CDH12: variants seen among roughly 807,000 people sequenced by gnomAD.
The protein encoded by CDH12 is cadherin-12.
Under a neutral mutation model 74.1 loss-of-function variants are expected in CDH12, and 41 were observed. The ratio of observed to expected loss-of-function variants is 0.55; its 90% CI spans 0.43 to 0.72. The LOEUF is 0.72. Ranked by LOEUF, CDH12 falls within the 30% of genes least tolerant of loss-of-function variation. CDH12 has a pLI of 0.00. For missense variants in CDH12, 945 were observed against 977.2 expected, an observed-to-expected ratio of 0.97 and a Z score of 0.44; for synonymous variants, 399 against 355.0, an observed-to-expected ratio of 1.12 and a Z score of -1.39.
chr5:22,071,798 A>G (rs1741957705), intron 5 of CDH12, among the ~76,000 whole-genome samples: 1 of 152,130 alleles, frequency 6.6e-6, no homozygotes, highest in Admixed American at 6.6e-5. Context: ...CAATTATTTC[A>G]TTTCTTACTT....
chr5:21,798,305 T>C (rs376810693), intron 10 of CDH12, among the ~76,000 whole-genome samples: 6 of 152,032 alleles, frequency 3.9e-5, no homozygotes, highest in Non-Finnish European at 1.5e-5. Flanking sequence ...CTATAAACCA[T>C]ATATGGTTTT....
At chr5:22,486,444 TA>T (rs1410126849) in intron 2 of CDH12, among the ~76,000 whole-genome samples, 1 of 146,554 alleles carries the variant, frequency 6.8e-6, no homozygotes, top group East Asian at 2.1e-4. Context: ...TGGTAACTAG[TA>T]ATTTTTTTTT....
chr5:21,880,616 C>CTTTCTCTTTCTTTCTTTCTTTCT (rs1752256319), intron 6 of CDH12, among the ~76,000 whole-genome samples: 1 of 50,810 alleles, frequency 2.0e-5, no homozygotes, highest in African/African-American at 8.8e-5. Context: ...TCCTTCCTTC[C>CTTTCTCTTTCTTTCTTTCTTTCT]TTCTTTCTTT....
At chr5:22,632,949 C>G (rs1286811678) in intron 1 of CDH12, among the ~76,000 whole-genome samples, 1 of 151,822 alleles carries the variant, frequency 6.6e-6, no homozygotes, top group Non-Finnish European at 1.5e-5. Context: ...AAAAACAAAG[C>G]AGGATAAATA....
intron 8 of CDH12, among the ~76,000 whole-genome samples, chr5:21,822,493 C>A (rs766500503): frequency 2.6e-5 from 4 of 151,972 alleles, no homozygotes; most frequent in Non-Finnish European, 5.9e-5. Flanking sequence ...AAGCCTGAGG[C>A]TGTATTTTCA....
intron 1 of CDH12, among the ~76,000 whole-genome samples, chr5:22,793,221 G>C (rs1748009167): frequency 6.6e-6 from 1 of 152,148 alleles, no homozygotes; most frequent in Non-Finnish European, 1.5e-5. Flanking sequence ...CTTTCAGAGA[G>C]TTGTCTTTTT....
intron 4 of CDH12, among the ~76,000 whole-genome samples, chr5:22,180,575 C>T (rs771084898): frequency 2.0e-5 from 3 of 151,578 alleles, no homozygotes; most frequent in East Asian, 1.9e-4. Flanking sequence ...TGCAGTGGGG[C>T]GATCTTAACT....
At chr5:22,391,163 T>C (rs1371527332) in intron 3 of CDH12, among the ~76,000 whole-genome samples, 1 of 152,162 alleles carries the variant, frequency 6.6e-6, no homozygotes, top group Non-Finnish European at 1.5e-5. Context: ...CTACAGAGTG[T>C]TGCAGATGAG....
At chr5:22,403,048 TA>T (rs1742799241) in intron 3 of CDH12, among the ~76,000 whole-genome samples, 2 of 152,248 alleles carry the variant, frequency 1.3e-5, no homozygotes, top group East Asian at 3.9e-4. Context: ...AACCTTTAAA[TA>T]AAGAAGAAAT....
chr5:22,409,988 G>C lies in CDH12; in HGVS notation c.-427-4637C>G, dbSNP rs539118536. 2.0e-5 allele frequency among the ~76,000 whole-genome samples: 3 copies of C among 152,144 alleles called. No individual in the cohort carries two copies. In the South Asian group the frequency reaches 6.2e-4, roughly 32 times the overall value. ...ATGATTTCTACTTTATAAACATGATGATAATACAAATTATTTTTTATTACA... is the reference window on the plus strand; with the variant it reads ...ATGATTTCTACTTTATAAACATGATCATAATACAAATTATTTTTTATTACA... On this transcript the variant is annotated intron_variant, in intron 2 of 14. Transcript: ENST00000382254.
chr5:22,343,317 C>CACACAG (rs1554033422), intron 3 of CDH12, among the ~76,000 whole-genome samples: 3 of 93,976 alleles, frequency 3.2e-5, no homozygotes, highest in Non-Finnish European at 4.8e-5. Flanking sequence ...CACACAGACA[C>CACACAG]ACACACAGAG....
intron 8 of CDH12, among the ~76,000 whole-genome samples, chr5:21,824,253 T>C (rs1354715661): frequency 3.3e-5 from 5 of 152,094 alleles, no homozygotes; most frequent in African/African-American, 1.2e-4. Context: ...CACCTCACCA[T>C]TGGAGGCAGC....
chr5:22,105,258 A>ATT (rs111996237), intron 4 of CDH12, among the ~76,000 whole-genome samples: 5 of 150,538 alleles, frequency 3.3e-5, no homozygotes, highest in Non-Finnish European at 5.9e-5. Context: ...CACCCAGCTA[A>ATT]TTTTTTTTAT....
intron 1 of CDH12, among the ~76,000 whole-genome samples, chr5:22,565,596 AAAGAGAAGT>A (rs1174903286): frequency 1.3e-5 from 2 of 152,170 alleles, no homozygotes; most frequent in Non-Finnish European, 2.9e-5. Context: ...TTTGGAAAAG[AAAGAGAAGT>A]AAGAGAAGTC....
intron 2 of CDH12, among the ~76,000 whole-genome samples, chr5:22,410,934 G>A (rs569708446): frequency 1.3e-5 from 2 of 152,070 alleles, no homozygotes; most frequent in South Asian, 2.1e-4. Flanking sequence ...CCAAGATTAT[G>A]AGAACAATGA....
At chr5:22,498,776 C>T (rs897564067) in intron 2 of CDH12, among the ~76,000 whole-genome samples, 1 of 150,898 alleles carries the variant, frequency 6.6e-6, no homozygotes, top group Admixed American at 6.6e-5. Flanking sequence ...CACATGCATG[C>T]ATTATATAAT....
intron 1 of CDH12, among the ~76,000 whole-genome samples, chr5:22,560,453 T>G (rs2126748260): frequency 6.6e-6 from 1 of 152,244 alleles, no homozygotes; most frequent in East Asian, 1.9e-4. Context: ...GCTTACTGTA[T>G]CTCAGTTTTC....
chr5:22,179,263 C>T (rs1749506907), intron 4 of CDH12, among the ~76,000 whole-genome samples: 1 of 152,058 alleles, frequency 6.6e-6, no homozygotes, highest in South Asian at 2.1e-4. Flanking sequence ...TGTAAGAAAG[C>T]AAAATTAATT....
intron 3 of CDH12, among the ~76,000 whole-genome samples, chr5:22,283,217 G>C (rs6878687): frequency 2.6e-5 from 2 of 78,106 alleles, no homozygotes; most frequent in Non-Finnish European, 4.6e-5. Flanking sequence ...TATATATATA[G>C]ATATATATAT....
Sources: gnomAD v4.1 joint callset for allele counts (sites outside exome capture counted in the v4.1 genomes callset) on GRCh38, gnomAD v4.1.1 for gene constraint, MANE v1.5 for transcripts, NCBI Gene and HGNC (gene_info 2026-07-23, HGNC 2026-07-21) for gene names.